FBLN2: variants seen among roughly 807,000 people sequenced by gnomAD.
The protein encoded by FBLN2 is fibulin-2.
Under a neutral mutation model 123.7 loss-of-function variants are expected in FBLN2, and 81 were observed. The ratio of observed to expected loss-of-function variants is 0.65; its 90% CI spans 0.55 to 0.79. The LOEUF (loss-of-function observed/expected upper bound fraction) is 0.79. Among genes scored for constraint, FBLN2 ranks in the 30% least tolerant of loss-of-function variants. The probability of loss-of-function intolerance (pLI) is 0.00; values close to 1 mark genes in which losing one functional copy is unlikely to be tolerated. For synonymous variants in FBLN2, 699 were observed against 701.4 expected (o/e 1.00, Z 0.05); for missense variants, 1,603 against 1,681.3 (o/e 0.95, Z 0.81).
intron 1 of FBLN2, among the ~76,000 whole-genome samples, chr3:13,553,190 C>T (rs548492263): frequency 5.9e-5 from 9 of 152,264 alleles, no homozygotes; most frequent in Non-Finnish European, 7.4e-5. Context: ...ACCCTGAAAA[C>T]GGAGGCCCTC....
chr3:13,549,313 C>T (rs1419173092), intron 1 of FBLN2, 105 bp downstream of exon 1: 10 of 757,186 alleles, frequency 1.3e-5, no homozygotes, highest in Middle Eastern at 6.6e-4. Context: ...GGCGGACCCT[C>T]GGACGCGCCT....
intron 4 of FBLN2, 50 bp downstream of exon 4, chr3:13,609,692 G>GGGGGT: frequency 3.7e-5 from 19 of 508,394 alleles, no homozygotes; most frequent in East Asian, 6.4e-5. Flanking sequence ...GGCGGGGCGG[G>GGGGGT]AGGCTGGCCT....
intron 9 of FBLN2, 27 bp downstream of exon 9, chr3:13,621,942 G>A (rs370470621): frequency 1.7e-5 from 28 of 1,603,854 alleles, no homozygotes; most frequent in African/African-American, 5.3e-5. Flanking sequence ...CCTGCCGCCC[G>A]CCGTCACAGC....
intron 1 of FBLN2, among the ~76,000 whole-genome samples, chr3:13,564,692 G>A (rs1703693165): frequency 6.6e-6 from 1 of 152,186 alleles, no homozygotes; most frequent in South Asian, 2.1e-4. Context: ...TGTGGCCTGT[G>A]TGCTCACTAA....
chr3:13,585,975 T>C (rs910194839), intron 2 of FBLN2, among the ~76,000 whole-genome samples: 4 of 152,122 alleles, frequency 2.6e-5, no homozygotes, highest in Admixed American at 2.6e-4. Context: ...ATTTGAAAAA[T>C]AGTTAACTAT....
At chr3:13,553,835 G>A (rs922011620) in intron 1 of FBLN2, among the ~76,000 whole-genome samples, 1 of 152,250 alleles carries the variant, frequency 6.6e-6, no homozygotes, top group Non-Finnish European at 1.5e-5. Context: ...GCACCCATGT[G>A]CTCAGGCAGA....
chr3:13,598,429 C>G (rs1178605996), intron 2 of FBLN2, among the ~76,000 whole-genome samples: 1 of 152,238 alleles, frequency 6.6e-6, no homozygotes, highest in African/African-American at 2.4e-5. Context: ...GGTGGAAGGA[C>G]ATGCCTGTGC....
rs377252006 is a variant in FBLN2, at chr3:13,570,797, G to A, written c.442G>A (p.Ala148Thr). 6.6e-5 allele frequency: 105 copies of A among 1,595,378 alleles called. No homozygotes were observed. Among genetic ancestry groups the A allele is most frequent in the Middle Eastern group, 3.3e-4 (2 of 6,060 alleles). The change falls in exon 2 of 18, where the codon GCT becomes ACT. Residue 148 changes from alanine to threonine, a missense_variant. Coordinates refer to ENST00000404922, the MANE Select transcript of FBLN2 (RefSeq NM_001004019.2). Reference sequence around the variant, plus strand: ...CGTCCACGCGGGCCACAAGTACGCCGCTGGCCACACTGTTCACCTGCCGCC... The same window carrying A: ...CGTCCACGCGGGCCACAAGTACGCCACTGGCCACACTGTTCACCTGCCGCC... Reference protein sequence around the residue: ...GCVHAGHKYAAGHTVHLPPCR... With the variant: ...GCVHAGHKYATGHTVHLPPCR...
chr3:13,622,411 G>A (rs896258308), intron 9 of FBLN2, among the ~76,000 whole-genome samples: 3 of 152,216 alleles, frequency 2.0e-5, no homozygotes, highest in Non-Finnish European at 2.9e-5. Flanking sequence ...CCTGGGCACC[G>A]TGAGCATGCT....
chr3:13,554,281 C>T (rs1316752046), intron 1 of FBLN2, among the ~76,000 whole-genome samples: 1 of 152,220 alleles, frequency 6.6e-6, no homozygotes, highest in Non-Finnish European at 1.5e-5. Flanking sequence ...ACACCATCAT[C>T]TGTGTTGGGG....
intron 2 of FBLN2, among the ~76,000 whole-genome samples, chr3:13,595,718 G>A (rs768182624): frequency 6.6e-6 from 1 of 152,230 alleles, no homozygotes; most frequent in African/African-American, 2.4e-5. Flanking sequence ...ATTCTTTAAG[G>A]CTTTAATGTC....
intron 9 of FBLN2, among the ~76,000 whole-genome samples, chr3:13,622,206 G>C (rs1036121395): frequency 1.3e-5 from 2 of 152,124 alleles, no homozygotes; most frequent in African/African-American, 4.8e-5. Context: ...AAAATGAGGG[G>C]GTCAGACATG....
intron 16 of FBLN2, 145 bp downstream of exon 16, chr3:13,631,602 C>A: frequency 1.0e-6 from 1 of 994,466 alleles, no homozygotes; most frequent in Non-Finnish European, 1.4e-6. Flanking sequence ...CTACCAGTGG[C>A]CATGTTAACT....
intron 1 of FBLN2, among the ~76,000 whole-genome samples, chr3:13,551,169 AT>A (rs1244063565): frequency 6.6e-6 from 1 of 152,122 alleles, no homozygotes; most frequent in Non-Finnish European, 1.5e-5. Flanking sequence ...ATTTTGCTCC[AT>A]TGCCCGCCTC....
At chr3:13,619,152 G>C in intron 7 of FBLN2, 135 bp downstream of exon 7, 1 of 662,690 alleles carries the variant, frequency 1.5e-6, no homozygotes, top group Admixed American at 2.8e-5. Flanking sequence ...TTCTGTTTTG[G>C]GGATGATGGG....
chr3:13,631,472 C>T lies in FBLN2; in HGVS notation c.3214+15C>T. 1 of 1,571,624 alleles carries T rather than the reference C, an allele frequency of 6.4e-7. No homozygotes were observed. The highest frequency in any genetic ancestry group is 8.6e-7 in the Non-Finnish European group (1 of 1,157,886). On this transcript the variant is annotated intron_variant, in intron 16 of 17. Coordinates refer to ENST00000404922, the MANE Select transcript of FBLN2 (RefSeq NM_001004019.2). ...GTCCTGCAAGGGTGAGCAAGTCCCC[C>T]CACACGCCCCCGCCTCCATCAGGGC...
intron 2 of FBLN2, among the ~76,000 whole-genome samples, chr3:13,603,394 C>G (rs9757394): frequency 0.41 from 46,618 of 114,862 alleles, 8,061 homozygotes; most frequent in South Asian, 0.43. Flanking sequence ...CCCCTCCCCC[C>G]ACCCCACGAC....
intron 1 of FBLN2, among the ~76,000 whole-genome samples, chr3:13,554,451 A>G (rs1574938979): frequency 6.6e-6 from 1 of 152,246 alleles, no homozygotes; most frequent in South Asian, 2.1e-4. Flanking sequence ...TGTTCTTCTT[A>G]GAGTCTCCTC....
Position 13,570,828 on chromosome 3 carries a change from G to C in FBLN2, c.473G>C (p.Arg158Pro). The C allele has an allele frequency of 6.2e-7, 1 of 1,603,974 alleles. No individual in the cohort carries two copies. Among genetic ancestry groups the C allele is most frequent in the Non-Finnish European group, 8.5e-7 (1 of 1,176,138 alleles). The change falls in exon 2 of 18, where the codon CGG (arginine) becomes CCG (proline). Residue 158 changes from arginine (R) to proline (P), a missense_variant. Arg to Pro is a moderately radical substitution (Grantham distance 103). Transcript: ENST00000404922. ...CACACTGTTCACCTGCCGCCCTGCC[G>C]GGCCTGCCACTGCCCTGACGCCGGT... ...AGHTVHLPPC[R>P]ACHCPDAGGE... is the part of the protein sequence containing the mutation.
Sources: allele counts gnomAD v4.1 joint callset (sites outside exome capture counted in the v4.1 genomes callset), GRCh38; gene constraint gnomAD v4.1.1; transcripts MANE v1.5; gene names NCBI Gene and HGNC (gene_info 2026-07-23, HGNC 2026-07-21).